ZBTB7B: variants seen among roughly 807,000 people sequenced by gnomAD.
ZBTB7B encodes the protein zinc finger and BTB domain containing 7B, also known as zinc finger and BTB domain-containing protein 7B.
In ZBTB7B, 8 loss-of-function variants were observed where a neutral mutation model predicts 31.0. The ratio of observed to expected loss-of-function variants is 0.26; its 90% CI spans 0.15 to 0.47. ZBTB7B has a LOEUF of 0.47. Among genes scored for constraint, ZBTB7B ranks in the 20% least tolerant of loss-of-function variants. The pLI is 0.99. For missense variants in ZBTB7B, 494 were observed against 742.4 expected (o/e 0.67, Z 3.89); for synonymous variants, 261 against 307.3 (o/e 0.85, Z 1.58).
At chr1:155,008,753 G>A (rs935511765) in intron 1 of ZBTB7B, among the ~76,000 whole-genome samples, 6 of 152,128 alleles carry the variant, frequency 3.9e-5, no homozygotes, top group African/African-American at 1.4e-4. Flanking sequence ...CTCCCACGCC[G>A]CCAGCCCTCC....
rs544069812 is a variant in ZBTB7B, at chr1:155,004,616, C to A, written c.-7+1673C>A. Among the ~76,000 whole-genome samples the A allele has an allele frequency of 2.6e-5, 4 of 152,188 alleles. No individual in the cohort carries two copies. The East Asian group carries it at 7.7e-4, about 29-fold the overall frequency. ...AGTGTTGTGCTGCGCTAGAGAGGGA[C>A]ATATGTGTGACTATGTCTGGATGAT... On this transcript the variant is annotated intron_variant, in intron 1 of 2. Transcript: ENST00000535420. The surrounding 1 kb of genome is among the most constrained non-coding windows in gnomAD (Gnocchi z 4.0).
Position 155,016,123 on chromosome 1 carries a change from A to G in ZBTB7B, c.1155-97A>G. On this transcript the variant is annotated intron_variant, in intron 2 of 2. Transcript: ENST00000535420. This position sits in a 1 kb window ranked among gnomAD's most constrained non-coding sequence, Gnocchi z 4.3. Reference sequence around the variant, plus strand: ...GGCAATAGTGGGGTAACAAATGGTGAGGAACAGGGATGGGACAAGGCCAGG... The same window carrying G: ...GGCAATAGTGGGGTAACAAATGGTGGGGAACAGGGATGGGACAAGGCCAGG... The G allele has an allele frequency of 3.0e-6, 4 of 1,319,688 alleles. No homozygotes were observed. Among genetic ancestry groups the G allele is most frequent in the Non-Finnish European group, 4.2e-6 (4 of 949,018 alleles). 81.7% of individuals were successfully genotyped at this position (1,319,688 alleles called of 1,614,324 possible).
At chr1:155,006,500 G>C (rs777008750) in intron 1 of ZBTB7B, among the ~76,000 whole-genome samples, 1 of 152,118 alleles carries the variant, frequency 6.6e-6, no homozygotes, top group Non-Finnish European at 1.5e-5. Flanking sequence ...CCAGATTCAG[G>C]GGTCGAAGGT....
intron 1 of ZBTB7B, among the ~76,000 whole-genome samples, chr1:155,009,461 G>A (rs970015575): frequency 1.3e-5 from 2 of 152,148 alleles, no homozygotes; most frequent in Admixed American, 6.5e-5. Context: ...GCACTGTCCA[G>A]GCAGACCCTG....
chr1:155,015,325 A>C lies in ZBTB7B; in HGVS notation c.665A>C (p.Glu222Ala). Residue 222 changes from glutamate (E) to alanine (A), a missense_variant, in exon 2 of 3, where the codon GAG becomes GCG. By Grantham distance (107) the Glu-to-Ala change is moderately radical (BLOSUM62 -1). Coordinates refer to ENST00000535420, the MANE Select transcript of ZBTB7B (RefSeq NM_001256455.2). ...KGARANHLVP[E>A]VPTVPAHPLT... is the part of the protein sequence containing the mutation. ...GCCAGAGCAAACCACCTAGTCCCTG[A>C]GGTGCCCACAGTGCCCGCCCATCCC... 1 of 1,603,658 alleles carries C rather than the reference A, an allele frequency of 6.2e-7. No individual in the cohort carries two copies. The highest frequency in any genetic ancestry group is 8.5e-7 in the Non-Finnish European group (1 of 1,173,204).
chr1:155,002,038 T>TA (rs1658251111), upstream of ZBTB7B, among the ~76,000 whole-genome samples: 1 of 151,370 alleles, frequency 6.6e-6, no homozygotes, highest in African/African-American at 2.4e-5. Context: ...GTCCTGACCC[T>TA]ACAGAAGCCC....
At position 155,016,172 on chromosome 1, in the gene ZBTB7B, G is replaced by A. The variant is rs751920675; in HGVS notation, c.1155-48G>A. ...GGGTGGGATGACCAGGAGGAGCCAG[G>A]GATCCCATCCTGAACACCTCCCTGC... On this transcript the variant is annotated intron_variant, in intron 2 of 2. Transcript: ENST00000535420. The surrounding 1 kb of genome is among the most constrained non-coding windows in gnomAD (Gnocchi z 4.3). 6.4e-7 allele frequency: 1 copy of A among 1,569,620 alleles called. No homozygotes were observed. Among genetic ancestry groups the A allele is most frequent in the Middle Eastern group, 1.7e-4 (1 of 5,874 alleles).
intron 1 of ZBTB7B, among the ~76,000 whole-genome samples, chr1:155,011,845 G>A (rs1659012465): frequency 1.3e-5 from 2 of 152,214 alleles, no homozygotes; most frequent in Non-Finnish European, 2.9e-5. Context: ...GAAAGAAGGG[G>A]GAGGCCTTTG....
rs1045410531 is a variant in ZBTB7B, at chr1:155,018,007, AC to A, written c.*1329del. On this transcript the variant is annotated 3_prime_UTR_variant, in exon 3 of 3. Transcript: ENST00000535420. The stretch of plus-strand genomic sequence containing the variant: ...CCCAATTCTGCTGGGGGTGGGGGAC[AC>A]CCCCCCTTCCTCGCTGGGTGCTGGA... 3.2e-5 allele frequency: 5 copies of A among 156,808 alleles called. No homozygotes were observed. The South Asian group carries it at 5.4e-4, about 17-fold the overall frequency. The allele number at this position is 156,808 out of a possible 1,614,324, so 9.7% of individuals were successfully genotyped here.
chr1:155,009,047 T>C (rs1351715934), intron 1 of ZBTB7B, among the ~76,000 whole-genome samples: 1 of 152,144 alleles, frequency 6.6e-6, no homozygotes, highest in East Asian at 1.9e-4. Flanking sequence ...AGGCCTAGAA[T>C]TAGCCAAGGG....
intron 1 of ZBTB7B, among the ~76,000 whole-genome samples, chr1:155,013,509 A>C (rs1659141374): frequency 6.6e-6 from 1 of 152,222 alleles, no homozygotes; most frequent in Non-Finnish European, 1.5e-5. Flanking sequence ...GATTTAAAGC[A>C]GGTCTCACCC....
chr1:155,018,374 C>G lies in ZBTB7B; in HGVS notation c.*1689C>G. On this transcript the variant is annotated 3_prime_UTR_variant, in exon 3 of 3. Transcript: ENST00000535420. ...GGGGCCCAGCCCCAGAAAGTGGGGA[C>G]AATGTGGCCTCCCTTCTCCCTACTT... The G allele has an allele frequency of 1.5e-6, 1 of 667,496 alleles. No homozygotes were observed. The highest frequency in any genetic ancestry group is 2.5e-6 in the Non-Finnish European group (1 of 400,362). 41.3% of individuals were successfully genotyped at this position (667,496 alleles called of 1,614,324 possible). A position where few individuals can be genotyped will look rare whatever the true frequency, so the allele number is the denominator to read the frequency against.
chr1:155,017,775 G>A lies in ZBTB7B; in HGVS notation c.*1090G>A, dbSNP rs1408336324. The A allele has an allele frequency of 6.6e-6, 1 of 152,340 alleles. No homozygotes were observed. Among genetic ancestry groups the A allele is most frequent in the Admixed American group, 6.5e-5 (1 of 15,290 alleles). 9.4% of individuals were successfully genotyped at this position (152,340 alleles called of 1,614,324 possible). On this transcript the variant is annotated 3_prime_UTR_variant, in exon 3 of 3. Transcript: ENST00000535420. ...TGAGCGGCGCCCCCTTGCCAAGGCA[G>A]TGGGCACAGAACTTCTCGCTTGGCC...
At chr1:155,005,860 A>C (rs1658528203) in intron 1 of ZBTB7B, among the ~76,000 whole-genome samples, 1 of 151,530 alleles carries the variant, frequency 6.6e-6, no homozygotes, top group Non-Finnish European at 1.5e-5. Context: ...CCTCCCCCCC[A>C]CTCTTGCCAA....
In ZBTB7B at chr1:155,016,135, G is replaced by A. The variant is rs1659388238; in HGVS notation, c.1155-85G>A. The A allele has an allele frequency of 7.0e-7, 1 of 1,422,472 alleles. No homozygotes were observed. Among genetic ancestry groups the A allele is most frequent in the Non-Finnish European group, 9.7e-7 (1 of 1,032,522 alleles). 88.1% of individuals were successfully genotyped at this position (1,422,472 alleles called of 1,614,324 possible). On this transcript the variant is annotated intron_variant, in intron 2 of 2. Coordinates refer to ENST00000535420, the MANE Select transcript of ZBTB7B (RefSeq NM_001256455.2). This position sits in a 1 kb window ranked among gnomAD's most constrained non-coding sequence, Gnocchi z 4.3. Reference sequence around the variant, plus strand: ...GTAACAAATGGTGAGGAACAGGGATGGGACAAGGCCAGGGTGGGATGACCA... The same window carrying A: ...GTAACAAATGGTGAGGAACAGGGATAGGACAAGGCCAGGGTGGGATGACCA...
In ZBTB7B at chr1:155,015,173, C is replaced by T; in HGVS notation, c.513C>T (p.Ala171=). 1 of 1,613,780 alleles carries T rather than the reference C, an allele frequency of 6.2e-7. No homozygotes were observed. Among genetic ancestry groups the T allele is most frequent in the South Asian group, 1.1e-5 (1 of 91,090 alleles). Residue 171 remains alanine, a synonymous_variant, in exon 2 of 3, where the codon GCC becomes GCT. Transcript: ENST00000535420. ...QYLEAFATAT[A]SGVPNGEDSP... is the part of the protein sequence containing the mutation. ...TGGAGGCCTTTGCCACAGCCACGGC[C>T]TCTGGAGTTCCCAATGGTGAAGACA...
At chr1:155,006,135 A>G (rs555738235) in intron 1 of ZBTB7B, among the ~76,000 whole-genome samples, 1 of 152,270 alleles carries the variant, frequency 6.6e-6, no homozygotes, top group East Asian at 1.9e-4. Context: ...CCCAGCTACC[A>G]CCTGGCCCCC....
At position 155,015,932 on chromosome 1, in the gene ZBTB7B, G is replaced by T. The variant is rs537131357; in HGVS notation, c.1154+118G>T. On this transcript the variant is annotated intron_variant, in intron 2 of 2. Transcript: ENST00000535420. ...GGTAGGTGGTCCTGGAGGGACTGGG[G>T]CATGGGTGGGTTACTGGAGTGAGGA... 54 of 1,296,432 alleles carry T rather than the reference G, an allele frequency of 4.2e-5. No homozygotes were observed. The African/African-American group carries it at 7.0e-4, about 17-fold the overall frequency. The allele number at this position is 1,296,432 out of a possible 1,614,324, so 80.3% of individuals were successfully genotyped here.
At chr1:155,008,905 C>G (rs115457581) in intron 1 of ZBTB7B, among the ~76,000 whole-genome samples, 1 of 151,932 alleles carries the variant, frequency 6.6e-6, no homozygotes, top group African/African-American at 2.4e-5. Flanking sequence ...TACCTCCCCC[C>G]AAGCCTGGCC....
Sources: allele counts gnomAD v4.1 joint callset (sites outside exome capture counted in the v4.1 genomes callset), GRCh38; gene constraint gnomAD v4.1.1; non-coding constraint Gnocchi (gnomAD v3.1); transcripts MANE v1.5; gene names NCBI Gene and HGNC (gene_info 2026-07-23, HGNC 2026-07-21).